The following TMEFF1 variants were observed in gnomAD, a reference collection of about 807,000 sequenced individuals.
TMEFF1 encodes the protein transmembrane protein with EGF like and two follistatin like domains 1.
Under a neutral mutation model 47.5 loss-of-function variants are expected in TMEFF1, and 20 were observed. That is an observed-to-expected ratio of 0.42 (90% confidence interval 0.30 to 0.61). The LOEUF (loss-of-function observed/expected upper bound fraction) is 0.61, where lower values mean the gene tolerates loss of function less well. Ranked by LOEUF, TMEFF1 falls within the 20% of genes least tolerant of loss-of-function variation. TMEFF1 has a pLI of 0.19. For synonymous variants in TMEFF1, 162 were observed against 166.3 expected (o/e 0.97, Z 0.20); for missense variants, 411 against 471.1 (o/e 0.87, Z 1.18).
chr9:100,514,591 C>T (rs892911101), intron 4 of TMEFF1, among the ~76,000 whole-genome samples: 1 of 151,262 alleles, frequency 6.6e-6, no homozygotes, highest in South Asian at 2.1e-4. Context: ...TGGCTCATGC[C>T]TAAAATCCCA....
chr9:100,557,530 A>G (rs1345658885), intron 7 of TMEFF1, among the ~76,000 whole-genome samples: 1 of 152,054 alleles, frequency 6.6e-6, no homozygotes, highest in African/African-American at 2.4e-5. Flanking sequence ...GCTACTGTTT[A>G]TTCTTGAGAA....
At chr9:100,498,278 T>C (rs1252112386) in intron 1 of TMEFF1, among the ~76,000 whole-genome samples, 1 of 152,192 alleles carries the variant, frequency 6.6e-6, no homozygotes, top group Admixed American at 6.5e-5. Flanking sequence ...CTTTTGTAGT[T>C]AAAATAGTTT....
At chr9:100,486,385 G>A (rs1587815219) in intron 1 of TMEFF1, among the ~76,000 whole-genome samples, 1 of 152,046 alleles carries the variant, frequency 6.6e-6, no homozygotes, top group Non-Finnish European at 1.5e-5. Context: ...TGGGATTACC[G>A]GCGCGTGCCA....
intron 1 of TMEFF1, among the ~76,000 whole-genome samples, chr9:100,491,404 G>A (rs1278030730): frequency 6.6e-6 from 1 of 152,126 alleles, no homozygotes. Context: ...TAAAGGACAA[G>A]GTGAAAAGTT....
intron 7 of TMEFF1, among the ~76,000 whole-genome samples, chr9:100,560,907 T>C (rs1839002501): frequency 6.6e-6 from 1 of 152,168 alleles, no homozygotes; most frequent in East Asian, 1.9e-4. Context: ...TAATTTTCAT[T>C]CCAAAAATAA....
intron 9 of TMEFF1, among the ~76,000 whole-genome samples, chr9:100,573,402 T>C (rs1441518008): frequency 2.0e-5 from 3 of 152,184 alleles, no homozygotes; most frequent in African/African-American, 7.2e-5. Flanking sequence ...ATGACTTATT[T>C]GGAGTGCAGT....
rs140876511 is a variant in TMEFF1 at position 100,518,338 on chromosome 9, A to G, written c.560+1567A>G. The G allele has an allele frequency of 6.3e-6, 4 of 637,296 alleles. No homozygotes were observed. In the Admixed American group the frequency reaches 1.9e-4, roughly 30 times the overall value. The allele number at this position is 637,296 out of a possible 1,614,324, so 39.5% of individuals were successfully genotyped here. ...TAGTGTAATATGTAGCCTATTCCCA[A>G]TCAGAGCAACTCTGTTGTGTTTACT... On this transcript the variant is annotated intron_variant, in intron 5 of 9. Transcript: ENST00000374879.
intron 7 of TMEFF1, among the ~76,000 whole-genome samples, chr9:100,557,958 C>T (rs546109342): frequency 1.3e-5 from 2 of 151,972 alleles, no homozygotes; most frequent in South Asian, 2.1e-4. Flanking sequence ...TGAATTCGGA[C>T]GTTGTCACAG....
At chr9:100,493,032 T>C (rs532256894) in intron 1 of TMEFF1, among the ~76,000 whole-genome samples, 1 of 152,258 alleles carries the variant, frequency 6.6e-6, no homozygotes, top group Non-Finnish European at 1.5e-5. Flanking sequence ...GTGTTTGCTT[T>C]CCCTTTACTG....
intron 8 of TMEFF1, among the ~76,000 whole-genome samples, chr9:100,571,203 G>GC (rs1839232135): frequency 2.6e-5 from 4 of 152,144 alleles, no homozygotes; most frequent in Admixed American, 6.6e-5. Context: ...TCAGAGGACT[G>GC]TAAATGTTTA....
chr9:100,511,330 G>A (rs1837961312), intron 3 of TMEFF1, among the ~76,000 whole-genome samples: 1 of 152,170 alleles, frequency 6.6e-6, no homozygotes, highest in African/African-American at 2.4e-5. Flanking sequence ...TAGATTGGGA[G>A]CACTGTGCTA....
rs1436168991 is a variant in TMEFF1, at chr9:100,513,330, G to A, written c.460G>A (p.Gly154Arg). ...AGATAATGGATCTGGATCTGGAGAA[G>A]GAGGTAAGTTTCAAGTACCTCTTAA... The part of the protein sequence containing the change: ...YSDNGSGSGE[G>R]EEEGSGAEVH... Residue 154 changes from glycine to arginine, a missense_variant, in exon 4 of 10, where the codon GGA becomes AGA. By Grantham distance (125) the Gly-to-Arg change is moderately radical. Coordinates refer to ENST00000374879, the MANE Select transcript of TMEFF1 (RefSeq NM_003692.5). 1 of 1,595,064 alleles carries A rather than the reference G, an allele frequency of 6.3e-7. No homozygotes were observed. The highest frequency in any genetic ancestry group is 8.5e-7 in the Non-Finnish European group (1 of 1,172,998).
At chr9:100,530,598 T>G (rs892778123) in intron 5 of TMEFF1, among the ~76,000 whole-genome samples, 5 of 151,912 alleles carry the variant, frequency 3.3e-5, no homozygotes, top group African/African-American at 7.3e-5. Context: ...TAATCAATAG[T>G]TTACCAACCA....
chr9:100,476,061 T>C (rs537444700), intron 1 of TMEFF1, among the ~76,000 whole-genome samples: 92 of 152,278 alleles, frequency 6.0e-4, no homozygotes, highest in African/African-American at 2.1e-3. Flanking sequence ...TTTAGTAATA[T>C]CTGAGTCTTC....
chr9:100,513,196 A>G, intron 3 of TMEFF1, 111 bp from the exon 4 acceptor site: 2 of 1,399,070 alleles, frequency 1.4e-6, no homozygotes, highest in Admixed American at 2.3e-5. Flanking sequence ...TGAGAAAAGG[A>G]CTCTTTGAGA....
intron 4 of TMEFF1, among the ~76,000 whole-genome samples, chr9:100,514,078 T>C (rs1587830522): frequency 6.6e-6 from 1 of 152,164 alleles, no homozygotes; most frequent in East Asian, 1.9e-4. Context: ...ATGTACTGTA[T>C]ACCAAATAAT....
At chr9:100,509,635 G>T (rs992015301) in intron 3 of TMEFF1, among the ~76,000 whole-genome samples, 1 of 152,080 alleles carries the variant, frequency 6.6e-6, no homozygotes, top group African/African-American at 2.4e-5. Context: ...TTAGCTGGGT[G>T]TGGTGGCGGG....
chr9:100,530,755 A>T (rs924367990), intron 5 of TMEFF1, among the ~76,000 whole-genome samples: 8 of 152,184 alleles, frequency 5.3e-5, no homozygotes, highest in Non-Finnish European at 7.3e-5. Flanking sequence ...CATCATTCTG[A>T]TACCAAAGCC....
At chr9:100,540,977 C>A (rs902074142) in intron 5 of TMEFF1, among the ~76,000 whole-genome samples, 1 of 151,996 alleles carries the variant, frequency 6.6e-6, no homozygotes, top group Non-Finnish European at 1.5e-5. Context: ...ATTATGTGGG[C>A]TATGTTTATC....
Sources: allele counts gnomAD v4.1 joint callset (sites outside exome capture counted in the v4.1 genomes callset), GRCh38; gene constraint gnomAD v4.1.1; transcripts MANE v1.5; gene names NCBI Gene and HGNC (gene_info 2026-07-23, HGNC 2026-07-21).